Variants in NLGN1 observed in about 807,000 individuals in gnomAD.
The protein encoded by NLGN1 is neuroligin-1.
In NLGN1, 12 loss-of-function variants were observed where a neutral mutation model predicts 65.5. The ratio of observed to expected loss-of-function variants is 0.18; its 90% CI spans 0.12 to 0.30. The LOEUF is 0.30. Ranked by LOEUF, NLGN1 falls within the 10% of genes least tolerant of loss-of-function variation. NLGN1 has a pLI of 1.00. For missense variants in NLGN1, 750 were observed against 1,007.1 expected, an observed-to-expected ratio of 0.74 and a Z score of 3.46; for synonymous variants, 350 against 359.5, an observed-to-expected ratio of 0.97 and a Z score of 0.30.
At chr3:174,040,479 T>A (rs974242879) in intron 4 of NLGN1, among the ~76,000 whole-genome samples, 1 of 152,070 alleles carries the variant, frequency 6.6e-6, no homozygotes, top group Non-Finnish European at 1.5e-5. Flanking sequence ...TGACACTCAT[T>A]AAAGACCAAA....
chr3:173,997,045 T>A (rs1323205543), intron 4 of NLGN1, among the ~76,000 whole-genome samples: 2 of 152,148 alleles, frequency 1.3e-5, no homozygotes, highest in East Asian at 3.9e-4. Flanking sequence ...TATGTCTTTT[T>A]TTTAATATTA....
At chr3:174,293,848 AT>A in the NLGN1 span, among the ~76,000 whole-genome samples, 1 of 151,378 alleles carries the variant, frequency 6.6e-6, no homozygotes, top group Admixed American at 6.6e-5. Flanking sequence ...AGATTTTACA[AT>A]TTTTTTTGCT....
chr3:173,680,268 C>T (rs551462605), intron 3 of NLGN1, among the ~76,000 whole-genome samples: 50 of 152,098 alleles, frequency 3.3e-4, no homozygotes, highest in African/African-American at 1.2e-3. Flanking sequence ...ATACTGCAGC[C>T]TTATTAAGTA....
intron 4 of NLGN1, among the ~76,000 whole-genome samples, chr3:174,224,863 A>G (rs551626374): frequency 6.6e-6 from 1 of 152,286 alleles, no homozygotes; most frequent in Admixed American, 6.5e-5. Context: ...CAAGCTTTGC[A>G]TAATGCTGAT....
chr3:173,901,365 G>T (rs537704609), intron 4 of NLGN1, among the ~76,000 whole-genome samples: 20 of 141,468 alleles, frequency 1.4e-4, no homozygotes, highest in South Asian at 2.3e-4. Context: ...TATTTTTTTT[G>T]GGGGGGTGTG....
intron 3 of NLGN1, among the ~76,000 whole-genome samples, chr3:173,627,352 G>T (rs1387449436): frequency 6.6e-6 from 1 of 151,866 alleles, no homozygotes; most frequent in Non-Finnish European, 1.5e-5. Flanking sequence ...CATACTCCAG[G>T]TTCATGTATG....
At chr3:173,752,345 T>A (rs1027321433) in intron 3 of NLGN1, among the ~76,000 whole-genome samples, 3 of 152,052 alleles carry the variant, frequency 2.0e-5, no homozygotes, top group Non-Finnish European at 4.4e-5. Context: ...CTATATCAGT[T>A]GTTTACACCC....
intron 3 of NLGN1, among the ~76,000 whole-genome samples, chr3:173,726,655 G>A (rs1198883974): frequency 6.6e-6 from 1 of 151,994 alleles, no homozygotes; most frequent in African/African-American, 2.4e-5. Context: ...AATATTTATT[G>A]AAGGAATAAC....
At chr3:174,117,674 G>T (rs1188433431) in intron 4 of NLGN1, among the ~76,000 whole-genome samples, 1 of 151,852 alleles carries the variant, frequency 6.6e-6, no homozygotes, top group Non-Finnish European at 1.5e-5. Context: ...GGTGAGGAAT[G>T]GCCATGAGAG....
At chr3:173,697,007 C>A (rs1431721677) in intron 3 of NLGN1, among the ~76,000 whole-genome samples, 1 of 152,028 alleles carries the variant, frequency 6.6e-6, no homozygotes, top group East Asian at 1.9e-4. Flanking sequence ...ATAGAGCAAG[C>A]CAGAGAGTAA....
chr3:173,983,574 G>GTC (rs1198592211), intron 4 of NLGN1, among the ~76,000 whole-genome samples: 1 of 152,116 alleles, frequency 6.6e-6, no homozygotes, highest in Non-Finnish European at 1.5e-5. Flanking sequence ...CTCAGTGCTT[G>GTC]TCTCTCTACC....
At chr3:174,277,405 A>G (rs1179774312) in intron 5 of NLGN1, among the ~76,000 whole-genome samples, 2 of 151,956 alleles carry the variant, frequency 1.3e-5, no homozygotes, top group African/African-American at 4.8e-5. Context: ...GGCATATTTT[A>G]GGACATATTG....
chr3:174,280,958 C>T lies in NLGN1; in HGVS notation c.2127C>T (p.His709=), dbSNP rs768919083. 2.8e-5 allele frequency: 45 copies of T among 1,613,236 alleles called. No individual in the cohort carries two copies. In the South Asian group the frequency reaches 4.2e-4, roughly 15 times the overall value. ...AGGATAAGAGGAGACATGATGTTCA[C>T]AGGAGATGCAGCCCTCAGCGCACTA... Residue 709 remains histidine (H), a synonymous_variant, in exon 7 of 7, where the codon CAC becomes CAT. Transcript: ENST00000457714. The surrounding 1 kb of genome is among the most constrained non-coding windows in gnomAD (Gnocchi z 4.9).
In NLGN1 at chr3:173,775,525, A is replaced by G. The variant is rs138488335; in HGVS notation, c.494-32155A>G. On this transcript the variant is annotated intron_variant, in intron 3 of 6. Transcript: ENST00000457714. ...CATGCCTCCTGCATGAGATTCTTCAAATTTGTTATATAACATATGTAAAGC... is the reference window on the plus strand; with the variant it reads ...CATGCCTCCTGCATGAGATTCTTCAGATTTGTTATATAACATATGTAAAGC... Among the ~76,000 whole-genome samples, 117 of 152,156 alleles carry G rather than the reference A, an allele frequency of 7.7e-4. 2 individuals carry two copies. The East Asian group carries it at 0.021, about 27-fold the overall frequency.
chr3:174,265,580 G>A (rs1032002952), intron 4 of NLGN1, among the ~76,000 whole-genome samples: 1 of 151,850 alleles, frequency 6.6e-6, no homozygotes. Context: ...CCCACTGTCT[G>A]GCACTCCCTA....
rs113129741 is a variant in NLGN1 at position 174,130,648 on chromosome 3, G to A, written c.647-144667G>A. Among the ~76,000 whole-genome samples the A allele has an allele frequency of 4.1e-3, 625 of 152,206 alleles. 3 individuals carry two copies. The highest frequency in any genetic ancestry group is 0.014 in the African/African-American group (593 of 41,536). On this transcript the variant is annotated intron_variant, in intron 4 of 6. Coordinates refer to ENST00000457714, the Ensembl canonical transcript of NLGN1. ...CAGATGAACTTTTTGGGAGATGATGGCCAGGAGAGAAAATGGCAAAGGTGT... is the reference window on the plus strand; with the variant it reads ...CAGATGAACTTTTTGGGAGATGATGACCAGGAGAGAAAATGGCAAAGGTGT...
At chr3:173,992,322 G>C (rs1324648587) in intron 4 of NLGN1, among the ~76,000 whole-genome samples, 4 of 151,882 alleles carry the variant, frequency 2.6e-5, no homozygotes, top group Admixed American at 6.6e-5. Flanking sequence ...AATGTGTCAG[G>C]ACTCAATTGA....
chr3:174,046,474 C>T (rs1490047948), intron 4 of NLGN1, among the ~76,000 whole-genome samples: 1 of 151,858 alleles, frequency 6.6e-6, no homozygotes, highest in African/African-American at 2.4e-5. Flanking sequence ...CTGGGATTTG[C>T]TCTTGATCTT....
At chr3:173,645,844 G>A (rs113445458) in intron 3 of NLGN1, among the ~76,000 whole-genome samples, 189 of 152,268 alleles carry the variant, frequency 1.2e-3, no homozygotes, top group African/African-American at 4.4e-3. Context: ...CATAATCCCA[G>A]CCCTGTGGCA....
Sources: allele counts gnomAD v4.1 joint callset (sites outside exome capture counted in the v4.1 genomes callset), GRCh38; gene constraint gnomAD v4.1.1; non-coding constraint Gnocchi (gnomAD v3.1); transcripts MANE v1.5; gene names NCBI Gene and HGNC (gene_info 2026-07-23, HGNC 2026-07-21).